Variants in GATB observed in about 807,000 individuals in gnomAD.
The protein encoded by GATB is glutamyl-tRNA(Gln) amidotransferase subunit B, mitochondrial.
A neutral mutation model predicts 62.3 loss-of-function variants in GATB; 39 were observed. The observed-to-expected ratio is 0.63, with a 90% CI of 0.48 to 0.82. The LOEUF (loss-of-function observed/expected upper bound fraction) is 0.82. GATB is among the 40% of genes least tolerant of loss of function. The pLI is 0.00. For synonymous variants in GATB, 276 were observed against 258.9 expected (o/e 1.07, Z -0.63); for missense variants, 670 against 684.0 (o/e 0.98, Z 0.23).
intron 2 of GATB, among the ~76,000 whole-genome samples, chr4:151,735,736 G>GTATATATATA (rs137893198): frequency 9.6e-6 from 1 of 104,064 alleles, no homozygotes; most frequent in African/African-American, 4.3e-5. Context: ...AAACTGTGGT[G>GTATATATATA]TATATATATA....
chr4:151,703,812 C>T (rs762034705), intron 8 of GATB, 39 bp downstream of exon 8: 2 of 1,382,814 alleles, frequency 1.4e-6, no homozygotes, highest in Non-Finnish European at 2.1e-6. Context: ...CGCCCCAGCC[C>T]CCGATATATA....
rs1319294543 is a variant in GATB, at chr4:151,716,895, G to A, written c.621C>T (p.Leu207=). ...SLHDNLRSQT[L]IDLNRAGVGL... Reference sequence around the variant, plus strand: ...GCCTACCTGCCCTGTTCAAATCAATGAGCGTCTGAGACCTCAGGTTGTCGT... The same window carrying A: ...GCCTACCTGCCCTGTTCAAATCAATAAGCGTCTGAGACCTCAGGTTGTCGT... The change falls in exon 4 of 13, where the codon CTC becomes CTT. Residue 207 remains leucine (L), a synonymous_variant. Coordinates refer to ENST00000263985, the MANE Select transcript of GATB (RefSeq NM_004564.3). The A allele has an allele frequency of 1.2e-6, 2 of 1,614,042 alleles. No homozygotes were observed. Among genetic ancestry groups the A allele is most frequent in the Non-Finnish European group, 1.7e-6 (2 of 1,180,024 alleles).
At chr4:151,707,332 C>T (rs931536344) in intron 6 of GATB, among the ~76,000 whole-genome samples, 4 of 152,086 alleles carry the variant, frequency 2.6e-5, no homozygotes, top group East Asian at 1.9e-4. Context: ...CTTGCTCTGT[C>T]GCCCAGGCTA....
rs1280834820 is a variant in GATB, at chr4:151,760,923, A to C, written c.60T>G (p.Val20=). The C allele has an allele frequency of 1.9e-6, 3 of 1,613,910 alleles. No homozygotes were observed. Among genetic ancestry groups the C allele is most frequent in the East Asian group, 4.5e-5 (2 of 44,874 alleles). ...CRGRRWAFAR[V]DGGSCHRRGA... is the part of the protein sequence containing the mutation. ...CTCTTCGGTGGCAAGAACCACCGTC[A>C]ACCCGGGCGAAAGCCCAACGTCTTC... The change falls in exon 1 of 13, where the codon GTT becomes GTG. Residue 20 remains valine, a synonymous_variant. Transcript: ENST00000263985.
intron 10 of GATB, among the ~76,000 whole-genome samples, chr4:151,684,972 C>T (rs145399270): frequency 1.3e-3 from 204 of 152,298 alleles, no homozygotes; most frequent in South Asian, 1.0e-2. Flanking sequence ...ACAAGCCAGG[C>T]GACTTGGCTT....
intron 2 of GATB, among the ~76,000 whole-genome samples, chr4:151,750,971 A>G (rs561737557): frequency 3.3e-5 from 5 of 151,908 alleles, no homozygotes; most frequent in Non-Finnish European, 7.4e-5. Flanking sequence ...AAATATACCC[A>G]CTCCCTAAAA....
chr4:151,683,613 G>A (rs1181499631), intron 10 of GATB, among the ~76,000 whole-genome samples: 2 of 152,316 alleles, frequency 1.3e-5, no homozygotes, highest in African/African-American at 4.8e-5. Flanking sequence ...CCTAGACAAT[G>A]TGCTCTAAAC....
rs1309498678 is a variant in GATB at position 151,673,057 on chromosome 4, C to T, written c.1411-161G>A. The T allele has an allele frequency of 3.6e-6, 3 of 831,888 alleles. No individual in the cohort carries two copies. In the African/African-American group the frequency reaches 5.1e-5, roughly 14 times the overall value. 51.5% of individuals were successfully genotyped at this position (831,888 alleles called of 1,614,324 possible). ...CCAAAGGGAAAGGGCACCTGGCTGCCCTGCCAGAGCGTTGGCTCTCCTGAG... is the reference window on the plus strand; with the variant it reads ...CCAAAGGGAAAGGGCACCTGGCTGCTCTGCCAGAGCGTTGGCTCTCCTGAG... On this transcript the variant is annotated intron_variant, in intron 11 of 12. Coordinates refer to ENST00000263985, the MANE Select transcript of GATB (RefSeq NM_004564.3).
At chr4:151,676,726 T>G (rs1560839594) in intron 11 of GATB, among the ~76,000 whole-genome samples, 1 of 152,212 alleles carries the variant, frequency 6.6e-6, no homozygotes. Context: ...TAACTGCTCA[T>G]GATGATATAT....
chr4:151,691,548 A>T (rs1738366261), intron 9 of GATB: 1 of 152,220 alleles, frequency 6.6e-6, no homozygotes, highest in African/African-American at 2.4e-5. Flanking sequence ...GGTGTGAGGC[A>T]AAGCAGAGGG....
At chr4:151,712,652 C>T (rs1054693808) in intron 5 of GATB, among the ~76,000 whole-genome samples, 15 of 152,042 alleles carry the variant, frequency 9.9e-5, no homozygotes, top group Admixed American at 2.0e-4. Flanking sequence ...AAAAAAAAAG[C>T]GAACAAATTT....
chr4:151,711,586 T>A (rs913742444), intron 5 of GATB, among the ~76,000 whole-genome samples: 2 of 152,204 alleles, frequency 1.3e-5, no homozygotes, highest in Non-Finnish European at 2.9e-5. Context: ...TAAATACATG[T>A]CACCTCCTCT....
intron 9 of GATB, among the ~76,000 whole-genome samples, chr4:151,689,660 G>A (rs1278505491): frequency 3.3e-5 from 5 of 151,712 alleles, no homozygotes; most frequent in East Asian, 3.9e-4. Context: ...GGCAAGAACC[G>A]CAATTACTTT....
chr4:151,680,047 T>A (rs1305687003), intron 10 of GATB, among the ~76,000 whole-genome samples, 156 bp from the exon 11 acceptor site: 3 of 152,308 alleles, frequency 2.0e-5, no homozygotes, highest in Non-Finnish European at 4.4e-5. Flanking sequence ...CTCTTTTATT[T>A]TACTTATTTA....
At chr4:151,741,152 TATG>T (rs1739477437) in intron 2 of GATB, among the ~76,000 whole-genome samples, 1 of 152,170 alleles carries the variant, frequency 6.6e-6, no homozygotes, top group Admixed American at 6.5e-5. Context: ...CATAGGTATG[TATG>T]ATGAAGTTTA....
intron 2 of GATB, among the ~76,000 whole-genome samples, chr4:151,748,130 T>C (rs918390419): frequency 2.0e-5 from 3 of 152,190 alleles, no homozygotes; most frequent in Admixed American, 1.3e-4. Context: ...ATCAAGCTAC[T>C]AATGACTTTC....
chr4:151,710,947 A>G (rs1338181099), intron 5 of GATB, among the ~76,000 whole-genome samples: 3 of 152,320 alleles, frequency 2.0e-5, no homozygotes, highest in Admixed American at 6.5e-5. Context: ...AGGCATCTCA[A>G]TTTCCAAAAG....
At chr4:151,716,352 A>G in intron 4 of GATB, 1 of 482,996 alleles carries the variant, frequency 2.1e-6, no homozygotes, top group Non-Finnish European at 3.6e-6. Flanking sequence ...GCATGATCAT[A>G]GCTCACTGCA....
intron 10 of GATB, among the ~76,000 whole-genome samples, chr4:151,686,722 C>G (rs1010033843): frequency 7.0e-6 from 1 of 143,720 alleles, no homozygotes; most frequent in African/African-American, 2.5e-5. Context: ...ATTTCCTTCT[C>G]TGTGCACGCT....
Sources: gnomAD v4.1 joint callset for allele counts (sites outside exome capture counted in the v4.1 genomes callset) on GRCh38, gnomAD v4.1.1 for gene constraint, MANE v1.5 for transcripts, NCBI Gene and HGNC (gene_info 2026-07-23, HGNC 2026-07-21) for gene names.